The following HMCN2 variants were observed in gnomAD, a reference collection of about 807,000 sequenced individuals.
HMCN2 encodes hemicentin 2.
A neutral mutation model predicts 377.5 loss-of-function variants in HMCN2; 325 were observed. That is an observed-to-expected ratio of 0.86 (90% CI 0.79 to 0.94). The LOEUF (loss-of-function observed/expected upper bound fraction) is 0.94. Among genes scored for constraint, HMCN2 ranks in the 40% least tolerant of loss-of-function variants. The pLI is 0.00. For missense variants in HMCN2, 4,543 were observed against 4,725.3 expected (o/e 0.96, Z 1.13); for synonymous variants, 2,007 against 2,046.8 (o/e 0.98, Z 0.53).
rs757399134 is a variant in HMCN2, at chr9:130,393,695, G to GA, written c.10235-46dup. ...TGTCTAAGCTGAGTACTGGAGATGA[G>GA]AGTCCTGGAATAAAATGGTTCCTGC... On this transcript the variant is annotated intron_variant, in intron 67 of 97. Coordinates refer to ENST00000683500, the MANE Select transcript of HMCN2 (RefSeq NM_001291815.2). This position sits in a 1 kb window ranked among gnomAD's most constrained non-coding sequence, Gnocchi z 5.2. 4.2e-5 allele frequency: 50 copies of GA among 1,204,276 alleles called. No homozygotes were observed. The highest frequency in any genetic ancestry group is 4.7e-5 in the Non-Finnish European group (45 of 948,348). The allele number at this position is 1,204,276 out of a possible 1,614,324, so 74.6% of individuals were successfully genotyped here.
intron 80 of HMCN2, 45 bp downstream of exon 80, chr9:130,403,920 G>A: frequency 7.9e-7 from 1 of 1,268,478 alleles, no homozygotes; most frequent in South Asian, 1.3e-5. Flanking sequence ...CAACTGAGGG[G>A]CTTTGAGGCT....
chr9:130,425,554 C>A, intron 89 of HMCN2, 133 bp from the exon 90 acceptor site: 1 of 685,724 alleles, frequency 1.5e-6, no homozygotes, highest in Non-Finnish European at 2.6e-6. Context: ...CTCCTCAAGC[C>A]CCTGAGTTGG....
At chr9:130,320,101 G>A (rs1837767330) in intron 16 of HMCN2, among the ~76,000 whole-genome samples, 2 of 152,166 alleles carry the variant, frequency 1.3e-5, no homozygotes, top group Non-Finnish European at 2.9e-5. Flanking sequence ...TGTCAACCCT[G>A]CCCCATCACA....
At chr9:130,433,322 T>G (rs1336205283) in intron 97 of HMCN2, 26 bp from the exon 98 acceptor site, 6 of 1,404,094 alleles carry the variant, frequency 4.3e-6, no homozygotes, top group Non-Finnish European at 5.5e-6. Context: ...CGAGTCCGCC[T>G]GTCCGTGTGT....
intron 22 of HMCN2, among the ~76,000 whole-genome samples, chr9:130,331,285 C>A (rs1171781687): frequency 6.6e-6 from 1 of 152,188 alleles, no homozygotes; most frequent in Non-Finnish European, 1.5e-5. Flanking sequence ...GTTGGAGCAG[C>A]TTTGCACAAT....
intron 60 of HMCN2, among the ~76,000 whole-genome samples, 169 bp from the exon 61 acceptor site, chr9:130,386,274 C>T (rs1842018090): frequency 6.6e-6 from 1 of 152,202 alleles, no homozygotes; most frequent in South Asian, 2.1e-4. Flanking sequence ...CTTCTTGAGG[C>T]TCTTGGAAAA....
chr9:130,297,423 G>T (rs1836232081), intron 7 of HMCN2, among the ~76,000 whole-genome samples: 1 of 152,240 alleles, frequency 6.6e-6, no homozygotes, highest in Admixed American at 6.5e-5. Flanking sequence ...CACCGAGGCA[G>T]GTTTCTGGTG....
rs1554939344 is a variant in HMCN2 at position 130,312,539 on chromosome 9, C to CCCTTCTTTCTTT, written c.2350+2479_2350+2480insCTTCTTTCTTTC. The stretch of plus-strand genomic sequence containing the variant: ...TCCCTCCCTCCCTCCCTCCCTCCCT[C>CCCTTCTTTCTTT]CTTTCTTTCTTTCTTTCTTTCTTTC... On this transcript the variant is annotated intron_variant, in intron 15 of 97. Transcript: ENST00000683500. 1.5e-3 allele frequency among the ~76,000 whole-genome samples: 10 copies of CCCTTCTTTCTTT among 6,636 alleles called. 2 individuals carry two copies. Among genetic ancestry groups the CCCTTCTTTCTTT allele is most frequent in the African/African-American group, 2.7e-3 (7 of 2,596 alleles). 4.4% of individuals were successfully genotyped at this position (6,636 alleles called of 152,430 possible). A position where few individuals can be genotyped will look rare whatever the true frequency, so the allele number is the denominator to read the frequency against.
rs1338581830 is a variant in HMCN2 at position 130,394,372 on chromosome 9, T to C, written c.10502-13T>C. 1.2e-5 allele frequency: 15 copies of C among 1,286,756 alleles called. No homozygotes were observed. In the South Asian group the frequency reaches 1.7e-4, roughly 15 times the overall value. 79.7% of individuals were successfully genotyped at this position (1,286,756 alleles called of 1,614,324 possible). On this transcript the variant is annotated splice_polypyrimidine_tract_variant and intron_variant, in intron 68 of 97. Coordinates refer to ENST00000683500, the MANE Select transcript of HMCN2 (RefSeq NM_001291815.2). This position sits in a 1 kb window ranked among gnomAD's most constrained non-coding sequence, Gnocchi z 5.1. ...TGTGTCAATTGTGTGTTCCCCTCCA[T>C]GGTGGCTTGCAGAGCCCCCTCACAT...
chr9:130,430,064 T>G, intron 94 of HMCN2: 1 of 608,460 alleles, frequency 1.6e-6, no homozygotes, highest in Non-Finnish European at 2.9e-6. Context: ...GGGACGAGGC[T>G]GAGAGCTGGG....
intron 77 of HMCN2, among the ~76,000 whole-genome samples, chr9:130,401,652 C>T (rs11244176): frequency 0.3 from 45,222 of 151,978 alleles, 7,449 homozygotes; most frequent in Admixed American, 0.42. Flanking sequence ...ATGTCTTTGC[C>T]TGTCAAAATA....
At chr9:130,425,161 A>G in intron 89 of HMCN2, 31 bp downstream of exon 89, 3 of 1,509,224 alleles carry the variant, frequency 2.0e-6, no homozygotes, top group South Asian at 1.3e-5. Context: ...GTGTGCAGAC[A>G]GGGTAGGTGA....
intron 55 of HMCN2, 45 bp downstream of exon 55, chr9:130,382,342 G>A (rs546108182): frequency 4.5e-5 from 39 of 875,672 alleles, no homozygotes; most frequent in South Asian, 1.0e-4. Flanking sequence ...GACTGCAAGC[G>A]CCGTAAGGGC....
chr9:130,398,560 C>T lies in HMCN2; in HGVS notation c.11336C>T (p.Ala3779Val). 8.0e-7 allele frequency: 1 copy of T among 1,245,212 alleles called. No individual in the cohort carries two copies. Among genetic ancestry groups the T allele is most frequent in the Non-Finnish European group, 1.0e-6 (1 of 960,978 alleles). The allele number at this position is 1,245,212 out of a possible 1,614,324, so 77.1% of individuals were successfully genotyped here. The change falls in exon 75 of 98, where the codon GCC (alanine) becomes GTC (valine). Residue 3779 changes from alanine to valine, a missense_variant. Physicochemically the swap from Ala to Val is moderately conservative, Grantham distance 64. Around this residue, in one of 5 missense-constraint regions of HMCN2, gnomAD observed 1,073 missense variants for 1,319.5 expected, o/e 0.81. Transcript: ENST00000683500. ...GRDLRVLEPP[A>V]IAPSPSNLTL... The stretch of plus-strand genomic sequence containing the variant: ...ACTGTGCTCTCCCCAGAGCCTCCAG[C>T]CATCGCCCCCAGCCCCTCCAACCTG...
chr9:130,412,642 T>G (rs1480029521), intron 85 of HMCN2, among the ~76,000 whole-genome samples: 1 of 148,876 alleles, frequency 6.7e-6, no homozygotes, highest in East Asian at 2.1e-4. Flanking sequence ...AGTGGCAAGA[T>G]CTCAGCTCAC....
intron 26 of HMCN2, chr9:130,348,141 C>G: frequency 4.4e-6 from 3 of 675,398 alleles, no homozygotes; most frequent in Non-Finnish European, 5.5e-6. Flanking sequence ...CCAGGACCAG[C>G]TGCTCTGGCT....
In HMCN2 at chr9:130,406,105, T is replaced by C. The variant is rs1304651222; in HGVS notation, c.12490T>C (p.Cys4164Arg). 7.8e-7 allele frequency: 1 copy of C among 1,289,828 alleles called. No individual in the cohort carries two copies. The allele number at this position is 1,289,828 out of a possible 1,614,324, so 79.9% of individuals were successfully genotyped here. A position where few individuals can be genotyped will look rare whatever the true frequency, so the allele number is the denominator to read the frequency against. ...LRLGDRLWLR[C>R]AARGSPTPRI... ...CCTTGGGGACAGGCTGTGGCTTCGC[T>C]GTGCAGCCCGGGGCAGCCCCACCCC... is the stretch of plus-strand genomic sequence containing the variant. The change falls in exon 82 of 98, where the codon TGT becomes CGT. Residue 4164 changes from cysteine to arginine, a missense_variant. Coordinates refer to ENST00000683500, the MANE Select transcript of HMCN2 (RefSeq NM_001291815.2).
intron 19 of HMCN2, among the ~76,000 whole-genome samples, chr9:130,324,715 C>T (rs1838034079): frequency 6.6e-6 from 1 of 152,076 alleles, no homozygotes; most frequent in African/African-American, 2.4e-5. Context: ...ACCTCCACCT[C>T]CCGGGTTCAA....
At chr9:130,307,629 G>T in intron 14 of HMCN2, 63 bp downstream of exon 14, 1 of 469,802 alleles carries the variant, frequency 2.1e-6, no homozygotes, top group South Asian at 1.5e-5. Context: ...TTGAGGGGAG[G>T]TGGGGGTGTC....
Sources: gnomAD v4.1 joint callset for allele counts (sites outside exome capture counted in the v4.1 genomes callset) on GRCh38, gnomAD v4.1.1 for gene constraint, gnomAD v4.1.1 regional missense constraint, Gnocchi (gnomAD v3.1) non-coding constraint, MANE v1.5 for transcripts, NCBI Gene and HGNC (gene_info 2026-07-23, HGNC 2026-07-21) for gene names.